Variants in USP2 observed in about 807,000 individuals in gnomAD.
The protein encoded by USP2 is ubiquitin carboxyl-terminal hydrolase 2.
Under a neutral mutation model 72.0 loss-of-function variants are expected in USP2, and 33 were observed. That is an observed-to-expected ratio of 0.46 (90% CI 0.35 to 0.61). The LOEUF (loss-of-function observed/expected upper bound fraction) is 0.61, where lower values mean the gene tolerates loss of function less well. Ranked by LOEUF, USP2 falls within the 20% of genes least tolerant of loss-of-function variation. The pLI, the probability that USP2 is intolerant of heterozygous loss-of-function variation, is 0.01. For missense variants in USP2, 691 were observed against 797.8 expected, an observed-to-expected ratio of 0.87 and a Z score of 1.61; for synonymous variants, 296 against 312.5, an observed-to-expected ratio of 0.95 and a Z score of 0.56.
chr11:119,372,775 G>A lies in USP2; in HGVS notation c.706C>T (p.Leu236=), dbSNP rs1294662279. The change falls in exon 2 of 13, where the codon CTG becomes TTG. Residue 236 remains leucine (L), a synonymous_variant. Transcript: ENST00000260187. ...GCCTGACCCTTTCCCGTCTCCCACA[G>A]CGTGTAGCGGCCAATGGGTCGGTAG... ...PTYRPIGRYT[L]WETGKGQAPG... 16 of 1,582,234 alleles carry A rather than the reference G, an allele frequency of 1.0e-5. 1 individual carries two copies. The Middle Eastern group carries it at 5.1e-4, about 51-fold the overall frequency.
intron 1 of USP2, among the ~76,000 whole-genome samples, chr11:119,374,972 A>C (rs1021684893): frequency 1.3e-5 from 2 of 152,192 alleles, no homozygotes; most frequent in Admixed American, 1.3e-4. Context: ...AGGGCTCCAC[A>C]ATGACAGTGG....
At position 119,364,686 on chromosome 11, in the gene USP2, G is replaced by A. The variant is rs371696087; in HGVS notation, c.775-4452C>T. 1.7e-3 allele frequency among the ~76,000 whole-genome samples: 259 copies of A among 152,302 alleles called. 1 individual carries two copies. Among genetic ancestry groups the A allele is most frequent in the African/African-American group, 6.0e-3 (251 of 41,566 alleles). ...CCGGGGGTACTCAGGCCTTCGTGAAGACCCAAACTCATGCAGTCTGTGGAG... is the reference window on the plus strand; with the variant it reads ...CCGGGGGTACTCAGGCCTTCGTGAAAACCCAAACTCATGCAGTCTGTGGAG... On this transcript the variant is annotated intron_variant, in intron 2 of 12. Transcript: ENST00000260187.
At chr11:119,362,094 T>C (rs1013269827) in intron 2 of USP2, among the ~76,000 whole-genome samples, 1 of 152,200 alleles carries the variant, frequency 6.6e-6, no homozygotes, top group Non-Finnish European at 1.5e-5. Context: ...TCAGATGACA[T>C]CTGTCTAAAC....
chr11:119,364,209 G>C, intron 2 of USP2: 1 of 1,138,668 alleles, frequency 8.8e-7, no homozygotes, highest in Non-Finnish European at 1.1e-6. Flanking sequence ...CCGGCCGACT[G>C]GCGGCCCCGC....
At chr11:119,371,882 C>T (rs932996938) in intron 2 of USP2, among the ~76,000 whole-genome samples, 3 of 152,206 alleles carry the variant, frequency 2.0e-5, no homozygotes, top group African/African-American at 4.8e-5. Flanking sequence ...GTGGGAGGCA[C>T]GTGGCAGGGG....
intron 2 of USP2, among the ~76,000 whole-genome samples, chr11:119,372,349 C>G (rs186420133): frequency 1.3e-5 from 2 of 152,172 alleles, no homozygotes; most frequent in African/African-American, 2.4e-5. Flanking sequence ...TGGTCTGGGC[C>G]CCCCCGCATC....
At chr11:119,357,110 G>GATCATTAAAAAA (rs1950673497) in intron 12 of USP2, 77 bp downstream of exon 12, 1 of 1,284,588 alleles carries the variant, frequency 7.8e-7, no homozygotes, top group Non-Finnish European at 1.0e-6. Context: ...AGGGGGGTGG[G>GATCATTAAAAAA]TTTGGGGGGA....
At position 119,381,554 on chromosome 11, in the gene USP2, C is replaced by T. The variant is rs1015370376; in HGVS notation, c.-123G>A. ...TGAGTCCCGGCTGGCGCTGGCGCGG[C>T]GCAGTGAGCACCAGCTGACGAAGAG... On this transcript the variant is annotated 5_prime_UTR_variant, in exon 1 of 13. Coordinates refer to ENST00000260187, the MANE Select transcript of USP2 (RefSeq NM_004205.5). 2 of 1,535,854 alleles carry T rather than the reference C, an allele frequency of 1.3e-6. No homozygotes were observed. The highest frequency in any genetic ancestry group is 1.7e-6 in the Non-Finnish European group (2 of 1,146,810).
intron 1 of USP2, 137 bp downstream of exon 1, chr11:119,381,336 C>A: frequency 5.2e-6 from 5 of 964,680 alleles, no homozygotes; most frequent in Non-Finnish European, 7.6e-6. Context: ...GCTGGAGCGT[C>A]CCTGCACAGC....
chr11:119,356,906 A>G lies in USP2; in HGVS notation c.1747T>C (p.Ser583Pro), dbSNP rs866290098. 1 of 1,561,390 alleles carries G rather than the reference A, an allele frequency of 6.4e-7. No individual in the cohort carries two copies. The highest frequency in any genetic ancestry group is 8.7e-7 in the Non-Finnish European group (1 of 1,153,304). ...GCGTCGCTGGTGCGCACTTGGCTGGAGGACATGGGAGTGACGCTGCGGAGA... is the reference window on the plus strand; with the variant it reads ...GCGTCGCTGGTGCGCACTTGGCTGGGGGACATGGGAGTGACGCTGCGGAGA... ...FNDSSVTPMS[S>P]SQVRTSDAYL... The change falls in exon 13 of 13, where the codon TCC becomes CCC. Residue 583 changes from serine (S) to proline (P), a missense_variant. Ser to Pro is a moderately conservative substitution (Grantham distance 74, BLOSUM62 -1). Transcript: ENST00000260187.
chr11:119,368,577 C>T (rs540334066), intron 2 of USP2, among the ~76,000 whole-genome samples: 1 of 152,234 alleles, frequency 6.6e-6, no homozygotes, highest in Non-Finnish European at 1.5e-5. Context: ...CCCAAGGCTT[C>T]GGAAGATGAG....
chr11:119,358,562 C>G, intron 7 of USP2: 1 of 637,088 alleles, frequency 1.6e-6, no homozygotes, highest in Non-Finnish European at 2.7e-6. Flanking sequence ...GTGATCTACC[C>G]GCCTTGGCCT....
intron 12 of USP2, 89 bp downstream of exon 12, chr11:119,357,098 G>GATCATTAAAAA (rs1950672406): frequency 8.4e-7 from 1 of 1,184,452 alleles, no homozygotes; most frequent in Admixed American, 2.6e-5. Flanking sequence ...GCGGGGGGTG[G>GATCATTAAAAA]GAGGGGGGTG....
intron 1 of USP2, among the ~76,000 whole-genome samples, chr11:119,379,846 TA>T (rs1951039519): frequency 6.6e-6 from 1 of 151,826 alleles, no homozygotes; most frequent in Non-Finnish European, 1.5e-5. Context: ...GTATTATTAA[TA>T]ATAGCGCCTT....
At chr11:119,371,455 C>A (rs1950925891) in intron 2 of USP2, among the ~76,000 whole-genome samples, 1 of 152,142 alleles carries the variant, frequency 6.6e-6, no homozygotes, top group South Asian at 2.1e-4. Flanking sequence ...TCCAGCCCTG[C>A]CTTGTCAAGT....
chr11:119,373,367 A>T lies in USP2; in HGVS notation c.114T>A (p.Asn38Lys). The T allele has an allele frequency of 6.2e-7, 1 of 1,612,062 alleles. No homozygotes were observed. Among genetic ancestry groups the T allele is most frequent in the Non-Finnish European group, 8.5e-7 (1 of 1,179,984 alleles). ...GAYTPSSYGANLAASLLEKEK... is the reference protein window; with the variant it reads ...GAYTPSSYGAKLAASLLEKEK... ...CCTTCTCCAGTAAGGAGGCAGCCAG[A>T]TTGGCCCCATAGGAGGACGGGGTGT... The change falls in exon 2 of 13, where the codon AAT becomes AAA. Residue 38 changes from asparagine to lysine, a missense_variant. By Grantham distance (94) the Asn-to-Lys change is moderately conservative. Coordinates refer to ENST00000260187, the MANE Select transcript of USP2 (RefSeq NM_004205.5).
At chr11:119,363,224 C>T (rs1211982966) in intron 2 of USP2, among the ~76,000 whole-genome samples, 2 of 152,244 alleles carry the variant, frequency 1.3e-5, no homozygotes, top group Admixed American at 6.5e-5. Flanking sequence ...CTCCCTTCCC[C>T]AGGCGGGCAG....
At chr11:119,376,569 C>T (rs575210335) in intron 1 of USP2, among the ~76,000 whole-genome samples, 25 of 152,390 alleles carry the variant, frequency 1.6e-4, no homozygotes, top group African/African-American at 6.0e-4. Flanking sequence ...AGTCCCCTGC[C>T]CAGCTCCTCC....
At chr11:119,372,219 T>A (rs1217313168) in intron 2 of USP2, among the ~76,000 whole-genome samples, 1 of 152,216 alleles carries the variant, frequency 6.6e-6, no homozygotes, top group Non-Finnish European at 1.5e-5. Context: ...GGAGAGTCCC[T>A]CTTCCCCTGA....
Sources: allele counts gnomAD v4.1 joint callset (sites outside exome capture counted in the v4.1 genomes callset), GRCh38; gene constraint gnomAD v4.1.1; transcripts MANE v1.5; gene names NCBI Gene and HGNC (gene_info 2026-07-23, HGNC 2026-07-21).